The following CDC37L1 variants were observed in gnomAD, a reference collection of about 807,000 sequenced individuals.
CDC37L1 encodes cell division cycle 37 like 1, HSP90 cochaperone, also known as hsp90 co-chaperone Cdc37-like 1.
A neutral mutation model predicts 45.9 loss-of-function variants in CDC37L1; 32 were observed. The ratio of observed to expected loss-of-function variants is 0.70; its 90% CI spans 0.53 to 0.94. The LOEUF is 0.94. Ranked by LOEUF, CDC37L1 falls within the 40% of genes least tolerant of loss-of-function variation. The pLI is 0.00. For synonymous variants in CDC37L1, 150 were observed against 133.0 expected (o/e 1.13, Z -0.88); for missense variants, 434 against 405.7 (o/e 1.07, Z -0.60).
At chr9:4,682,087 A>G (rs1841199355) in intron 1 of CDC37L1, among the ~76,000 whole-genome samples, 1 of 152,130 alleles carries the variant, frequency 6.6e-6, no homozygotes, top group Non-Finnish European at 1.5e-5. Context: ...TTGCTCCCAA[A>G]TAATTTGAAA....
rs1218031731 is a variant in CDC37L1, at chr9:4,679,849, G to C, written c.82G>C (p.Val28Leu). Residue 28 changes from valine (V) to leucine (L), a missense_variant, in exon 1 of 7, where the codon GTG becomes CTG. Physicochemically the swap from Val to Leu is conservative, Grantham distance 32. Transcript: ENST00000381854. ...GEAEEESDFD[V>L]FPSSPRCPQL... is the part of the protein sequence containing the mutation. ...GGCTGAGGAAGAGAGTGACTTCGACGTGTTCCCCAGTTCTCCCCGCTGCCC... is the reference window on the plus strand; with the variant it reads ...GGCTGAGGAAGAGAGTGACTTCGACCTGTTCCCCAGTTCTCCCCGCTGCCC... 1 of 1,613,954 alleles carries C rather than the reference G, an allele frequency of 6.2e-7. No homozygotes were observed. Among genetic ancestry groups the C allele is most frequent in the East Asian group, 2.2e-5 (1 of 44,870 alleles).
In CDC37L1 at chr9:4,701,850, T is replaced by G. The variant is rs1428070650; in HGVS notation, c.748-14T>G. ...GAAGAACACAGTCTTTGTTTTTTTT[T>G]TTGTTTTTTCTAGGCAGAGGAAGAA... On this transcript the variant is annotated splice_polypyrimidine_tract_variant and intron_variant, in intron 5 of 6. Coordinates refer to ENST00000381854, the MANE Select transcript of CDC37L1 (RefSeq NM_017913.4). The G allele has an allele frequency of 6.3e-7, 1 of 1,577,542 alleles. No homozygotes were observed. Among genetic ancestry groups the G allele is most frequent in the East Asian group, 2.2e-5 (1 of 44,470 alleles).
Position 4,706,230 on chromosome 9 carries a change from G to A in CDC37L1, c.*118G>A. The A allele has an allele frequency of 1.9e-6, 1 of 524,374 alleles. No homozygotes were observed. The highest frequency in any genetic ancestry group is 3.5e-6 in the Non-Finnish European group (1 of 283,032). 32.5% of individuals were successfully genotyped at this position (524,374 alleles called of 1,614,324 possible). On this transcript the variant is annotated 3_prime_UTR_variant, in exon 7 of 7. Transcript: ENST00000381854. ...ATTTTTGTTCGGTTTTTGATGGGAG[G>A]GAAAGAGTACTGAAATGTTTTGTAA...
chr9:4,697,851 GT>G lies in CDC37L1; in HGVS notation c.723del (p.Arg242ValfsTer29), dbSNP rs1202282178. On this transcript the variant is annotated frameshift_variant, in exon 5 of 7. Transcript: ENST00000381854. LOFTEE classifies it high-confidence loss of function. ...AACTGTAATGTGGATCCAAGAGGGT[GT>G]TTTCGTTTATTTTTCCAGAAAGCCA... is the stretch of plus-strand genomic sequence containing the variant. ...AKNCNVDPRG[C>X]FRLFFQKAKA... is the part of the protein sequence containing the mutation. The G allele has an allele frequency of 6.2e-7, 1 of 1,613,074 alleles. No individual in the cohort carries two copies. The highest frequency in any genetic ancestry group is 8.5e-7 in the Non-Finnish European group (1 of 1,179,394).
chr9:4,680,231 C>T (rs1479121394), intron 1 of CDC37L1, among the ~76,000 whole-genome samples: 1 of 152,152 alleles, frequency 6.6e-6, no homozygotes, highest in Non-Finnish European at 1.5e-5. Context: ...TAACATTGAC[C>T]CTTTGTCCTC....
Position 4,685,124 on chromosome 9 carries a change from G to C in CDC37L1, c.380G>C (p.Ser127Thr). The part of the protein sequence containing the change: ...LVQREKMCLW[S>T]TDAISKDVFN... The stretch of plus-strand genomic sequence containing the variant: ...CAAAGAGAGAAGATGTGTCTGTGGA[G>C]CACGGATGCCATTAGCAAGGATGTT... Residue 127 changes from serine to threonine, a missense_variant, in exon 2 of 7, where the codon AGC becomes ACC. Ser to Thr is a moderately conservative substitution (Grantham distance 58, BLOSUM62 1). Coordinates refer to ENST00000381854, the MANE Select transcript of CDC37L1 (RefSeq NM_017913.4). 1 of 1,613,792 alleles carries C rather than the reference G, an allele frequency of 6.2e-7. No homozygotes were observed. The highest frequency in any genetic ancestry group is 2.2e-5 in the East Asian group (1 of 44,882).
At chr9:4,690,633 A>G (rs1841291633) in intron 3 of CDC37L1, among the ~76,000 whole-genome samples, 1 of 152,226 alleles carries the variant, frequency 6.6e-6, no homozygotes, top group Non-Finnish European at 1.5e-5. Context: ...TTAATAAGCA[A>G]TCATTTTGCT....
At chr9:4,700,444 G>A (rs1031664802) in intron 5 of CDC37L1, among the ~76,000 whole-genome samples, 2 of 151,960 alleles carry the variant, frequency 1.3e-5, no homozygotes, top group Admixed American at 1.3e-4. Context: ...CACCACACCC[G>A]GTCTCTTCTA....
At position 4,706,071 on chromosome 9, in the gene CDC37L1, C is replaced by T. The variant is rs1299534219; in HGVS notation, c.973C>T (p.His325Tyr). 1.2e-6 allele frequency: 2 copies of T among 1,605,134 alleles called. No homozygotes were observed. Among genetic ancestry groups the T allele is most frequent in the Non-Finnish European group, 1.7e-6 (2 of 1,172,140 alleles). ...TALCSLNSVV[H>Y]KEDDEPKMMD... ...TCTCTGCAGCTTAAACTCGGTGGTA[C>T]ATAAAGAAGATGATGAACCCAAAAT... The change falls in exon 7 of 7, where the codon CAT (histidine) becomes TAT (tyrosine). Residue 325 changes from histidine (H) to tyrosine (Y), a missense_variant. Transcript: ENST00000381854.
chr9:4,690,448 G>C (rs115726183), intron 3 of CDC37L1, among the ~76,000 whole-genome samples: 1,632 of 152,212 alleles, frequency 0.011, 33 homozygotes, highest in African/African-American at 0.038. Flanking sequence ...TAGTAAATTA[G>C]GTGTTCAGTG....
intron 2 of CDC37L1, chr9:4,685,519 C>T (rs777565275): frequency 6.0e-6 from 1 of 165,418 alleles, no homozygotes; most frequent in Admixed American, 5.6e-5. Flanking sequence ...CTGATTATCA[C>T]TACTTTAGAG....
chr9:4,682,712 A>C (rs954900931), intron 1 of CDC37L1, among the ~76,000 whole-genome samples: 1 of 151,632 alleles, frequency 6.6e-6, no homozygotes, highest in Admixed American at 6.6e-5. Context: ...ACCTCAGGTA[A>C]TCCGCCCGCC....
Position 4,685,432 on chromosome 9 carries a change from C to T in CDC37L1, c.414+274C>T, listed in dbSNP as rs894116394. Reference sequence around the variant, plus strand: ...TATTACATATATTAAAAAACATTCACAAGAATTTGATATAAGGATGGGAAA... The same window carrying T: ...TATTACATATATTAAAAAACATTCATAAGAATTTGATATAAGGATGGGAAA... On this transcript the variant is annotated intron_variant, in intron 2 of 6. Transcript: ENST00000381854. The T allele has an allele frequency of 1.4e-5, 4 of 283,820 alleles. No individual in the cohort carries two copies. In the Admixed American group the frequency reaches 1.9e-4, roughly 13 times the overall value. The allele number at this position is 283,820 out of a possible 1,614,324, so 17.6% of individuals were successfully genotyped here.
At chr9:4,693,596 G>T (rs1000098804) in intron 3 of CDC37L1, among the ~76,000 whole-genome samples, 1 of 152,172 alleles carries the variant, frequency 6.6e-6, no homozygotes, top group African/African-American at 2.4e-5. Context: ...TTGAGATTTA[G>T]ACGTTCACTA....
chr9:4,683,580 T>C (rs1841218273), intron 1 of CDC37L1, among the ~76,000 whole-genome samples: 2 of 151,932 alleles, frequency 1.3e-5, no homozygotes, highest in South Asian at 4.2e-4. Context: ...AAAGAGGTAA[T>C]GGGAAATAAC....
At chr9:4,694,877 AG>A (rs1187933585) in intron 3 of CDC37L1, among the ~76,000 whole-genome samples, 2 of 152,140 alleles carry the variant, frequency 1.3e-5, no homozygotes, top group African/African-American at 2.4e-5. Context: ...CTCAACAAAA[AG>A]AAAAAAAAAA....
rs187340125 is a variant in CDC37L1, at chr9:4,705,672, A to G, written c.913-339A>G. On this transcript the variant is annotated intron_variant, in intron 6 of 6. Transcript: ENST00000381854. Reference sequence around the variant, plus strand: ...AAAAATGCATTGCTAACTTCAAACCATATTTAAATTATCAGTAGCTATGTA... The same window carrying G: ...AAAAATGCATTGCTAACTTCAAACCGTATTTAAATTATCAGTAGCTATGTA... Among the ~76,000 whole-genome samples, 30 of 152,316 alleles carry G rather than the reference A, an allele frequency of 2.0e-4. No homozygotes were observed. In the East Asian group the frequency reaches 4.0e-3, roughly 21 times the overall value.
chr9:4,701,890 A>G lies in CDC37L1; in HGVS notation c.774A>G (p.Ala258=). The G allele has an allele frequency of 1.2e-6, 2 of 1,605,008 alleles. No individual in the cohort carries two copies. The highest frequency in any genetic ancestry group is 1.7e-6 in the Non-Finnish European group (2 of 1,177,084). ...AKAEEEGYFE[A]FKNELEAFKS... ...CAGAGGAAGAAGGTTATTTTGAAGC[A>G]TTCAAAAATGAACTTGAAGCTTTCA... is the stretch of plus-strand genomic sequence containing the variant. The change falls in exon 6 of 7, where the codon GCA becomes GCG. Residue 258 remains alanine (A), a synonymous_variant. Transcript: ENST00000381854.
At chr9:4,698,747 C>G (rs529479264) in intron 5 of CDC37L1, among the ~76,000 whole-genome samples, 28 of 151,964 alleles carry the variant, frequency 1.8e-4, no homozygotes, top group Non-Finnish European at 1.5e-5. Flanking sequence ...GGTTCTCTGT[C>G]GAAACTATTT....
Sources: allele counts gnomAD v4.1 joint callset (sites outside exome capture counted in the v4.1 genomes callset), GRCh38; gene constraint gnomAD v4.1.1; transcripts MANE v1.5; gene names NCBI Gene and HGNC (gene_info 2026-07-23, HGNC 2026-07-21).